The following FRMPD4 variants were observed in gnomAD, a reference collection of about 807,000 sequenced individuals.
FRMPD4 encodes FERM and PDZ domain containing 4.
Under a neutral mutation model 94.1 loss-of-function variants are expected in FRMPD4, and 22 were observed. The ratio of observed to expected loss-of-function variants is 0.23; its 90% CI spans 0.17 to 0.33. The LOEUF is 0.33. Among genes scored for constraint, FRMPD4 ranks in the 10% least tolerant of loss-of-function variants. FRMPD4 has a pLI of 1.00. For missense variants in FRMPD4, 1,111 were observed against 1,339.9 expected, an observed-to-expected ratio of 0.83 and a Z score of 2.67; for synonymous variants, 631 against 548.6, an observed-to-expected ratio of 1.15 and a Z score of -2.10.
intron 3 of FRMPD4, among the ~76,000 whole-genome samples, chrX:11,956,254 G>A (rs185436655): frequency 2.7e-5 from 3 of 111,754 alleles, no homozygotes. Flanking sequence ...AGAACTAGGC[G>A]CTCTGTTCTC....
intron 3 of FRMPD4, among the ~76,000 whole-genome samples, chrX:11,974,783 T>C (rs781462209): frequency 1.5e-4 from 16 of 110,278 alleles, no homozygotes; most frequent in Non-Finnish European, 2.8e-4. Context: ...GTGGCTGGAG[T>C]AGAAAGAGAG....
At chrX:11,825,768 T>C (rs2053440568) in intron 1 of FRMPD4, among the ~76,000 whole-genome samples, 1 of 112,091 alleles carries the variant, frequency 8.9e-6, no homozygotes, top group Non-Finnish European at 1.9e-5. Context: ...TGTGCTACAG[T>C]TATGTAAGAT....
rs2054777156 is a variant in FRMPD4, at chrX:12,044,892, T to G, written c.95+166874T>G. Among the ~76,000 whole-genome samples, 4 of 112,084 alleles carry G rather than the reference T, an allele frequency of 3.6e-5. No homozygotes were observed. The South Asian group carries it at 1.5e-3, about 42-fold the overall frequency. ...TCTTTTTAATTAGCGATTATTAATC[T>G]GCTTGGTTATAATAATAATAGCAAA... On this transcript the variant is annotated intron_variant, in intron 3 of 18. Coordinates refer to the FRMPD4 transcript ENST00000640291.
intron 1 of FRMPD4, among the ~76,000 whole-genome samples, chrX:12,310,195 G>T (rs1176015562): frequency 9.1e-6 from 1 of 109,307 alleles, no homozygotes; most frequent in Non-Finnish European, 1.9e-5. Context: ...ACAGTCAAAG[G>T]GGGTTTGTTA....
intron 2 of FRMPD4, among the ~76,000 whole-genome samples, chrX:12,569,373 G>A (rs1251448243): frequency 1.8e-5 from 2 of 111,705 alleles, no homozygotes; most frequent in Non-Finnish European, 3.8e-5. Context: ...ATATTAAAAT[G>A]CTTTTAAGCT....
intron 1 of FRMPD4, among the ~76,000 whole-genome samples, chrX:12,251,204 G>C (rs1288329318): frequency 7.2e-5 from 8 of 111,815 alleles, no homozygotes; most frequent in Non-Finnish European, 1.5e-4. Flanking sequence ...CAAAAGGTTG[G>C]TGCTTTCCAG....
At chrX:12,094,306 A>T (rs779153178) in intron 3 of FRMPD4, among the ~76,000 whole-genome samples, 9 of 112,476 alleles carry the variant, frequency 8.0e-5, no homozygotes, top group Non-Finnish European at 1.5e-4. Context: ...CCCTTGGGTG[A>T]GACTGGTGGA....
At chrX:12,039,759 A>G (rs1284233676) in intron 3 of FRMPD4, among the ~76,000 whole-genome samples, 2 of 109,593 alleles carry the variant, frequency 1.8e-5, no homozygotes, top group Non-Finnish European at 3.8e-5. Context: ...CACCTGAGGT[A>G]GGGACTCGGA....
At position 12,138,723 on chromosome X, in the gene FRMPD4, T is replaced by G; in HGVS notation, c.-249T>G. 6 of 302,105 alleles carry G rather than the reference T, an allele frequency of 2.0e-5. No homozygotes were observed. Among genetic ancestry groups the G allele is most frequent in the East Asian group, 4.9e-5 (1 of 20,360 alleles). 24.9% of individuals were successfully genotyped at this position (302,105 alleles called of 1,213,427 possible). ...TGCGCCCTGCCTGGCTCCCTCTCCA[T>G]TGAGTTTTCCTGCCTCGGGTGCCTA... On this transcript the variant is annotated 5_prime_UTR_variant, in exon 1 of 17. Coordinates refer to ENST00000675598, the MANE Select transcript of FRMPD4 (RefSeq NM_001368397.1).
At chrX:11,875,357 A>C (rs921175148) in intron 2 of FRMPD4, among the ~76,000 whole-genome samples, 1 of 112,149 alleles carries the variant, frequency 8.9e-6, no homozygotes, top group Non-Finnish European at 1.9e-5. Flanking sequence ...ACCAGCTGTG[A>C]TATAAAAATG....
chrX:11,840,551 G>T (rs1041898661), intron 1 of FRMPD4, among the ~76,000 whole-genome samples: 1 of 108,769 alleles, frequency 9.2e-6, no homozygotes, highest in African/African-American at 3.3e-5. Flanking sequence ...TATGTGTTTA[G>T]TCTCATTGCA....
At chrX:12,076,387 G>A (rs2055017670) in intron 3 of FRMPD4, among the ~76,000 whole-genome samples, 1 of 108,409 alleles carries the variant, frequency 9.2e-6, no homozygotes, top group Non-Finnish European at 1.9e-5. Flanking sequence ...GAGAGAGAGA[G>A]AGCGAGCGAG....
rs142951288 is a variant in FRMPD4 at position 12,444,779 on chromosome X, A to C, written c.42-53901A>C. ...CCAAACTTGCTTTTATAACAAGCCT[A>C]CTCTCAAGATAACTAACCCACTCCC... is the stretch of plus-strand genomic sequence containing the variant. On this transcript the variant is annotated intron_variant, in intron 1 of 16. Transcript: ENST00000675598. 5.9e-3 allele frequency among the ~76,000 whole-genome samples: 657 copies of C among 111,221 alleles called. 2 individuals carry two copies. Among genetic ancestry groups the C allele is most frequent in the African/African-American group, 0.02 (616 of 30,625 alleles).
At chrX:12,297,550 CAG>C (rs1466015704) in intron 1 of FRMPD4, among the ~76,000 whole-genome samples, 2 of 111,026 alleles carry the variant, frequency 1.8e-5, no homozygotes, top group African/African-American at 3.3e-5. Context: ...GTGGGAGAGA[CAG>C]GGAACTGTGA....
At chrX:12,018,609 G>A (rs1383601541) in intron 3 of FRMPD4, among the ~76,000 whole-genome samples, 1 of 109,697 alleles carries the variant, frequency 9.1e-6, no homozygotes, top group African/African-American at 3.3e-5. Context: ...AGAGATGGGG[G>A]TTTCACCATG....
At chrX:11,841,888 G>A (rs1439414371) in intron 1 of FRMPD4, among the ~76,000 whole-genome samples, 23 of 109,894 alleles carry the variant, frequency 2.1e-4, no homozygotes, top group Non-Finnish European at 3.8e-4. Context: ...TAGGTCTAAC[G>A]TTTAAGTCTT....
rs764636959 is a variant in FRMPD4 at position 12,609,683 on chromosome X, T to C, written c.159-38T>C. 4.4e-6 allele frequency: 5 copies of C among 1,145,251 alleles called. No individual in the cohort carries two copies. The Admixed American group carries it at 6.5e-5, about 15-fold the overall frequency. The allele number at this position is 1,145,251 out of a possible 1,213,427, so 94.4% of individuals were successfully genotyped here. A position where few individuals can be genotyped will look rare whatever the true frequency, so the allele number is the denominator to read the frequency against. On this transcript the variant is annotated intron_variant, in intron 2 of 16. Transcript: ENST00000675598. Reference sequence around the variant, plus strand: ...GCCAGGCCAATGCCTAAGACATACATTGATGCCTTGTTTCTCTTGTATGTG... The same window carrying C: ...GCCAGGCCAATGCCTAAGACATACACTGATGCCTTGTTTCTCTTGTATGTG...
intron 3 of FRMPD4, among the ~76,000 whole-genome samples, chrX:11,943,864 A>C (rs2054175402): frequency 9.0e-6 from 1 of 111,436 alleles, no homozygotes; most frequent in Non-Finnish European, 1.9e-5. Flanking sequence ...CTTCTCCCCA[A>C]CTCCCTGAGG....
chrX:12,131,704 T>C (rs1281463276), intron 3 of FRMPD4, among the ~76,000 whole-genome samples: 1 of 111,998 alleles, frequency 8.9e-6, no homozygotes, highest in Admixed American at 9.5e-5. Flanking sequence ...ATTCAAAAGT[T>C]CCCCTTATGA....
Sources: gnomAD v4.1 joint callset for allele counts (sites outside exome capture counted in the v4.1 genomes callset) on GRCh38, gnomAD v4.1.1 for gene constraint, MANE v1.5 for transcripts, NCBI Gene and HGNC (gene_info 2026-07-23, HGNC 2026-07-21) for gene names.